The following CDC42SE2 variants were observed in gnomAD, a reference collection of about 807,000 sequenced individuals.
The protein encoded by CDC42SE2 is CDC42 small effector protein 2.
A neutral mutation model predicts 11.5 loss-of-function variants in CDC42SE2; 3 were observed. The observed-to-expected ratio is 0.26, with a 90% CI of 0.12 to 0.67. CDC42SE2 has a LOEUF of 0.67. Among genes scored for constraint, CDC42SE2 ranks in the 30% least tolerant of loss-of-function variants. The pLI is 0.80. For missense variants in CDC42SE2, 82 were observed against 106.8 expected, an observed-to-expected ratio of 0.77 and a Z score of 1.02; for synonymous variants, 33 against 34.8, an observed-to-expected ratio of 0.95 and a Z score of 0.18.
At chr5:131,331,230 T>A (rs1034625981) in intron 2 of CDC42SE2, among the ~76,000 whole-genome samples, 8 of 152,180 alleles carry the variant, frequency 5.3e-5, no homozygotes, top group Admixed American at 2.0e-4. Flanking sequence ...AAATTCTACG[T>A]ACTATATATT....
At chr5:131,252,447 A>G (rs1376026214) in intron 1 of CDC42SE2, among the ~76,000 whole-genome samples, 1 of 152,168 alleles carries the variant, frequency 6.6e-6, no homozygotes, top group Non-Finnish European at 1.5e-5. Context: ...TGAGGTCAGG[A>G]GTTCAAGACC....
the CDC42SE2 span, among the ~76,000 whole-genome samples, chr5:131,230,792 TTTATCGTTTGTTTACG>T: frequency 6.6e-6 from 1 of 152,192 alleles, no homozygotes; most frequent in South Asian, 2.1e-4. Context: ...TTCCAAGGGG[TTTATCGTTTGTTTACG>T]TTTTCTGCAC....
intron 2 of CDC42SE2, among the ~76,000 whole-genome samples, chr5:131,352,013 A>T (rs145548442): frequency 6.6e-6 from 1 of 152,350 alleles, no homozygotes; most frequent in Admixed American, 6.5e-5. Flanking sequence ...AAGAAAATAC[A>T]TGAATGGCCA....
At chr5:131,255,076 T>C (rs1756670214) in intron 1 of CDC42SE2, 1 of 152,178 alleles carries the variant, frequency 6.6e-6, no homozygotes, top group Non-Finnish European at 1.5e-5. Flanking sequence ...CGCTTATCAT[T>C]TATTTATGTT....
At chr5:131,246,461 AT>A (rs1449963883) in intron 1 of CDC42SE2, among the ~76,000 whole-genome samples, 3 of 152,188 alleles carry the variant, frequency 2.0e-5, no homozygotes, top group Non-Finnish European at 4.4e-5. Flanking sequence ...TCCCAAAAAA[AT>A]AAAATAAAAT....
chr5:131,306,837 T>A (rs966151821), intron 1 of CDC42SE2, among the ~76,000 whole-genome samples: 2 of 152,160 alleles, frequency 1.3e-5, no homozygotes, highest in African/African-American at 4.8e-5. Context: ...TAAATATATA[T>A]ACTTTTTGGA....
the CDC42SE2 span, among the ~76,000 whole-genome samples, chr5:131,233,875 T>C: frequency 6.6e-6 from 1 of 152,288 alleles, no homozygotes; most frequent in African/African-American, 2.4e-5. Flanking sequence ...CTGCTTTTAT[T>C]GGTGGATGTT....
At chr5:131,311,921 T>C (rs570607799) in intron 1 of CDC42SE2, among the ~76,000 whole-genome samples, 1 of 152,346 alleles carries the variant, frequency 6.6e-6, no homozygotes, top group Non-Finnish European at 1.5e-5. Flanking sequence ...AATTTGATCG[T>C]CTGAAGCCTT....
At chr5:131,285,977 A>G (rs1757331231) in intron 1 of CDC42SE2, among the ~76,000 whole-genome samples, 1 of 151,880 alleles carries the variant, frequency 6.6e-6, no homozygotes. Flanking sequence ...ATCTCATAAG[A>G]GGCTGTCTAA....
At chr5:131,313,139 C>T (rs533554617) in intron 1 of CDC42SE2, among the ~76,000 whole-genome samples, 22 of 152,086 alleles carry the variant, frequency 1.4e-4, no homozygotes, top group African/African-American at 4.1e-4. Context: ...CCTGCCACGA[C>T]GCCCGGCTGA....
At chr5:131,218,318 G>A in the CDC42SE2 span, among the ~76,000 whole-genome samples, 1 of 152,012 alleles carries the variant, frequency 6.6e-6, no homozygotes, top group Non-Finnish European at 1.5e-5. Flanking sequence ...ATCATCATGA[G>A]AATGGAAAAT....
the CDC42SE2 span, among the ~76,000 whole-genome samples, chr5:131,235,883 C>T: frequency 7.9e-5 from 12 of 152,236 alleles, no homozygotes; most frequent in East Asian, 9.7e-4. Flanking sequence ...TGTGAGCCAC[C>T]GCACCCGGCC....
At chr5:131,324,238 T>G (rs1758252797) in intron 2 of CDC42SE2, among the ~76,000 whole-genome samples, 1 of 152,216 alleles carries the variant, frequency 6.6e-6, no homozygotes, top group African/African-American at 2.4e-5. Flanking sequence ...AGAAGTCATT[T>G]TTTAATAACT....
chr5:131,340,415 G>A (rs554367166), intron 2 of CDC42SE2, among the ~76,000 whole-genome samples: 1 of 152,068 alleles, frequency 6.6e-6, no homozygotes, highest in Non-Finnish European at 1.5e-5. Flanking sequence ...GTAGAGTTTG[G>A]TAATATTTAT....
chr5:131,272,460 A>G (rs1352001944), intron 1 of CDC42SE2, among the ~76,000 whole-genome samples: 2 of 152,078 alleles, frequency 1.3e-5, no homozygotes, highest in African/African-American at 4.8e-5. Flanking sequence ...TAAAAATGAA[A>G]GCGATCAGAA....
chr5:131,313,726 C>T (rs542321029), intron 1 of CDC42SE2, among the ~76,000 whole-genome samples: 1 of 152,264 alleles, frequency 6.6e-6, no homozygotes, highest in East Asian at 1.9e-4. Flanking sequence ...TATAATAAAC[C>T]TTGAATTCTG....
intron 2 of CDC42SE2, among the ~76,000 whole-genome samples, chr5:131,336,884 A>G (rs907863268): frequency 6.6e-5 from 10 of 152,182 alleles, no homozygotes; most frequent in East Asian, 3.9e-4. Context: ...AATTTTTTTC[A>G]AAGTTTTTAA....
At chr5:131,226,083 C>A in the CDC42SE2 span, among the ~76,000 whole-genome samples, 1 of 152,134 alleles carries the variant, frequency 6.6e-6, no homozygotes, top group Non-Finnish European at 1.5e-5. Flanking sequence ...CCTGGGGTAG[C>A]AAGGATCAAC....
intron 1 of CDC42SE2, among the ~76,000 whole-genome samples, chr5:131,294,022 C>T (rs974579166): frequency 6.6e-6 from 1 of 152,140 alleles, no homozygotes; most frequent in African/African-American, 2.4e-5. Flanking sequence ...CACACTGAGC[C>T]ACTCTTCTGG....
Sources: gnomAD v4.1 joint callset for allele counts (sites outside exome capture counted in the v4.1 genomes callset) on GRCh38, gnomAD v4.1.1 for gene constraint, MANE v1.5 for transcripts, NCBI Gene and HGNC (gene_info 2026-07-23, HGNC 2026-07-21) for gene names.